CD36: variants seen among roughly 807,000 people sequenced by gnomAD.
CD36 encodes CD36 molecule (CD36 blood group), also known as platelet glycoprotein 4.
CD36 carries 119 observed loss-of-function variants against 55.2 expected under a neutral mutation model. The observed-to-expected ratio is 2.15, with a 90% CI of 1.86 to 2.51. The LOEUF is 2.51. CD36 is among the 30% of genes most tolerant of loss of function. The probability of loss-of-function intolerance (pLI) is 0.00; values close to 1 mark genes in which losing one functional copy is unlikely to be tolerated. For missense variants in CD36, 819 were observed against 555.5 expected, an observed-to-expected ratio of 1.47 and a Z score of -4.77; for synonymous variants, 186 against 193.6, an observed-to-expected ratio of 0.96 and a Z score of 0.33.
intron 11 of CD36, 49 bp from the exon 12 acceptor site, chr7:80,672,721 A>C: frequency 7.7e-7 from 1 of 1,297,628 alleles, no homozygotes; most frequent in Non-Finnish European, 1.1e-6. Flanking sequence ...TGAATAGTAT[A>C]AAATAATGTT....
chr7:80,673,931 ATT>A (rs1491405867), intron 13 of CD36, 50 bp from the exon 14 acceptor site: 16 of 1,399,986 alleles, frequency 1.1e-5, no homozygotes, highest in Middle Eastern at 1.8e-4. Context: ...TGAAGGGTTT[ATT>A]TTGTTTTACT....
chr7:80,645,378 C>T lies in CD36; in HGVS notation c.-183-710C>T, dbSNP rs570269996. ...GCTGGGCATGGTGGCTCACGCCTGT[C>T]ATCCCAGCACTTTGGGAGGCTGAGG... On this transcript the variant is annotated intron_variant, in intron 1 of 14. Transcript: ENST00000447544. Among the ~76,000 whole-genome samples, 5 of 151,336 alleles carry T rather than the reference C, an allele frequency of 3.3e-5. No homozygotes were observed. The South Asian group carries it at 1.0e-3, about 32-fold the overall frequency.
intron 1 of CD36, among the ~76,000 whole-genome samples, chr7:80,613,242 T>C (rs1429331071): frequency 6.6e-6 from 1 of 152,152 alleles, no homozygotes; most frequent in Non-Finnish European, 1.5e-5. Context: ...AGCTGCATGA[T>C]AAATTCAAAG....
At chr7:80,627,542 A>G (rs1161336243) in intron 1 of CD36, among the ~76,000 whole-genome samples, 1 of 151,866 alleles carries the variant, frequency 6.6e-6, no homozygotes, top group Non-Finnish European at 1.5e-5. Context: ...AAACAACCCA[A>G]AGGAATCAAA....
At chr7:80,625,988 G>A (rs914276234) in intron 1 of CD36, among the ~76,000 whole-genome samples, 2 of 152,068 alleles carry the variant, frequency 1.3e-5, no homozygotes, top group Non-Finnish European at 2.9e-5. Flanking sequence ...ATACAGGGGG[G>A]TATTTTACAG....
At chr7:80,670,661 A>C (rs1339613949) in intron 9 of CD36, 5 of 340,814 alleles carry the variant, frequency 1.5e-5, no homozygotes, top group Middle Eastern at 9.2e-4. Context: ...GCCGTGAAAG[A>C]AACTATTTCA....
In CD36 at chr7:80,629,898, CTTT is replaced by C. The variant is rs56195239; in HGVS notation, c.-183-16179_-183-16177del. On this transcript the variant is annotated intron_variant, in intron 1 of 13. Coordinates refer to the CD36 transcript ENST00000309881. ...GGAGACTGATAAATTCAATAGTAGC[CTTT>C]TTTTTTTTTTGGTATCATGAAAAAA... Among the ~76,000 whole-genome samples the C allele has an allele frequency of 1.3e-3, 196 of 146,438 alleles. 1 individual carries two copies. The East Asian group carries it at 0.02, about 15-fold the overall frequency.
intron 1 of CD36, among the ~76,000 whole-genome samples, chr7:80,607,503 T>A (rs1792627503): frequency 6.6e-6 from 1 of 152,164 alleles, no homozygotes; most frequent in South Asian, 2.1e-4. Flanking sequence ...CATGGAGGCT[T>A]GTAGAAGTTA....
chr7:80,603,808 T>G (rs1792384510), intron 1 of CD36, among the ~76,000 whole-genome samples: 1 of 140,746 alleles, frequency 7.1e-6, no homozygotes, highest in Non-Finnish European at 1.5e-5. Context: ...TGCTGAGAAA[T>G]GATTGAAAAA....
chr7:80,675,976 T>C lies in CD36; in HGVS notation c.*1-408T>C, dbSNP rs1398210753. 6.4e-5 allele frequency: 9 copies of C among 140,820 alleles called. No homozygotes were observed. In the South Asian group the frequency reaches 1.6e-3, roughly 25 times the overall value. 8.7% of individuals were successfully genotyped at this position (140,820 alleles called of 1,614,324 possible). ...TGTGCTTGTCTTGAAGCACCCTTCT[T>C]ATGTGCCTTTCTGGAATGGGAATGT... On this transcript the variant is annotated intron_variant, in intron 14 of 14. Transcript: ENST00000447544.
At chr7:80,644,397 C>T (rs1795012346) in intron 1 of CD36, among the ~76,000 whole-genome samples, 1 of 152,076 alleles carries the variant, frequency 6.6e-6, no homozygotes, top group Non-Finnish European at 1.5e-5. Flanking sequence ...TCTTAATCAC[C>T]AAGACCTTGA....
At chr7:80,671,623 G>T (rs1281065490) in intron 10 of CD36, among the ~76,000 whole-genome samples, 2 of 152,006 alleles carry the variant, frequency 1.3e-5, no homozygotes, top group Non-Finnish European at 2.9e-5. Context: ...AAAATTTGGA[G>T]ACTAGCTTAT....
upstream of CD36, among the ~76,000 whole-genome samples, chr7:80,634,184 T>A (rs1476749862): frequency 6.6e-6 from 1 of 152,010 alleles, no homozygotes; most frequent in Admixed American, 6.6e-5. Context: ...TAAGGAGAGA[T>A]GATTATTCAG....
chr7:80,624,590 G>A (rs745350961), intron 1 of CD36, among the ~76,000 whole-genome samples: 30 of 151,934 alleles, frequency 2.0e-4, no homozygotes, highest in Non-Finnish European at 2.9e-4. Flanking sequence ...GGGCAAATTC[G>A]TGTGTAGCCA....
At chr7:80,611,591 G>C (rs1375205217) in intron 1 of CD36, among the ~76,000 whole-genome samples, 1 of 152,162 alleles carries the variant, frequency 6.6e-6, no homozygotes, top group Non-Finnish European at 1.5e-5. Flanking sequence ...TCATTGAAAA[G>C]AGAGGAAAGT....
At chr7:80,626,981 G>GT (rs574208802) in intron 1 of CD36, among the ~76,000 whole-genome samples, 125 of 151,936 alleles carry the variant, frequency 8.2e-4, no homozygotes, top group African/African-American at 2.6e-3. Context: ...CCAACTTTTT[G>GT]TTTTTATCAC....
At chr7:80,668,839 T>C (rs1434770042) in intron 8 of CD36, among the ~76,000 whole-genome samples, 1 of 152,160 alleles carries the variant, frequency 6.6e-6, no homozygotes, top group Non-Finnish European at 1.5e-5. Flanking sequence ...GACTTACCAT[T>C]TAAAACTCAT....
intron 1 of CD36, among the ~76,000 whole-genome samples, chr7:80,640,953 A>G (rs1413657): frequency 0.96 from 145,276 of 152,064 alleles, 69,515 homozygotes; most frequent in East Asian, 1. Context: ...CTGATAGGAT[A>G]GAAATGGACA....
chr7:80,606,488 A>ACT (rs764497709), intron 1 of CD36, among the ~76,000 whole-genome samples: 6 of 152,230 alleles, frequency 3.9e-5, no homozygotes, highest in Non-Finnish European at 7.3e-5. Flanking sequence ...TGTCTCAGTG[A>ACT]ATCAATTCAT....
Sources: allele counts gnomAD v4.1 joint callset (sites outside exome capture counted in the v4.1 genomes callset), GRCh38; gene constraint gnomAD v4.1.1; transcripts MANE v1.5; gene names NCBI Gene and HGNC (gene_info 2026-07-23, HGNC 2026-07-21).